The following C1GALT1 variants were observed in gnomAD, a reference collection of about 807,000 sequenced individuals.
C1GALT1 encodes glycoprotein-N-acetylgalactosamine 3-beta-galactosyltransferase 1.
A neutral mutation model predicts 31.0 loss-of-function variants in C1GALT1; 11 were observed. The observed-to-expected ratio is 0.36, with a 90% CI of 0.22 to 0.59. The LOEUF (loss-of-function observed/expected upper bound fraction) is 0.59, where lower values mean the gene tolerates loss of function less well. Among genes scored for constraint, C1GALT1 ranks in the 20% least tolerant of loss-of-function variants. The pLI is 0.79. For synonymous variants in C1GALT1, 175 were observed against 143.6 expected (o/e 1.22, Z -1.56); for missense variants, 424 against 425.2 (o/e 1.00, Z 0.03).
chr7:7,166,433 A>G (rs1440301465), intron 2 of C1GALT1, among the ~76,000 whole-genome samples: 4 of 152,194 alleles, frequency 2.6e-5, no homozygotes, highest in Non-Finnish European at 5.9e-5. Flanking sequence ...TATCATTTTT[A>G]TAACTCTAGA....
intron 1 of C1GALT1, among the ~76,000 whole-genome samples, chr7:7,214,771 G>A (rs34386799): frequency 0.14 from 20,824 of 152,160 alleles, 1,783 homozygotes; most frequent in Middle Eastern, 0.27. Flanking sequence ...CGGAGAAGCC[G>A]GGTTTACATT....
intron 1 of C1GALT1, among the ~76,000 whole-genome samples, chr7:7,219,508 A>T (rs536807445): frequency 7.2e-5 from 11 of 152,314 alleles, no homozygotes; most frequent in African/African-American, 2.6e-4. Flanking sequence ...AACTACTCTG[A>T]AAAAAATAAA....
chr7:7,234,200 T>A (rs973369774), intron 1 of C1GALT1, 103 bp from the exon 2 acceptor site: 1 of 809,454 alleles, frequency 1.2e-6, no homozygotes, highest in East Asian at 2.6e-5. Flanking sequence ...TAAATACTGT[T>A]AGAAATTAAC....
chr7:7,187,266 T>C (rs890224372), intron 1 of C1GALT1, among the ~76,000 whole-genome samples: 1 of 152,046 alleles, frequency 6.6e-6, no homozygotes, highest in Non-Finnish European at 1.5e-5. Flanking sequence ...TTTTTTTTTT[T>C]TGAGACGGAG....
intron 1 of C1GALT1, among the ~76,000 whole-genome samples, chr7:7,218,695 T>C (rs1016448045): frequency 1.4e-4 from 22 of 152,184 alleles, no homozygotes; most frequent in African/African-American, 5.1e-4. Context: ...CAGTAGAAGA[T>C]GTGCTAGTGA....
intron 1 of C1GALT1, among the ~76,000 whole-genome samples, chr7:7,187,257 T>G (rs1437048112): frequency 6.6e-6 from 1 of 151,904 alleles, no homozygotes; most frequent in Non-Finnish European, 1.5e-5. Context: ...TCCTGAGATT[T>G]TTTTTTTTTT....
intron 1 of C1GALT1, among the ~76,000 whole-genome samples, chr7:7,230,424 A>G (rs1321036421): frequency 6.6e-6 from 1 of 152,052 alleles, no homozygotes; most frequent in South Asian, 2.1e-4. Flanking sequence ...TTTGCTTTCA[A>G]CTTTATAAAT....
At chr7:7,219,118 G>T (rs983378655) in intron 1 of C1GALT1, among the ~76,000 whole-genome samples, 3 of 152,148 alleles carry the variant, frequency 2.0e-5, no homozygotes, top group African/African-American at 7.2e-5. Context: ...GATTACAGGC[G>T]TGAGCCACTG....
chr7:7,220,990 C>CT (rs1353104816), intron 1 of C1GALT1, among the ~76,000 whole-genome samples: 1 of 122,274 alleles, frequency 8.2e-6, no homozygotes, highest in Non-Finnish European at 1.7e-5. Context: ...TTGTTCCTCT[C>CT]TCTGAAAGTT....
intron 1 of C1GALT1, among the ~76,000 whole-genome samples, chr7:7,197,541 A>G (rs1032823880): frequency 4.6e-5 from 7 of 152,224 alleles, no homozygotes; most frequent in South Asian, 2.1e-4. Flanking sequence ...TTTTGGTTCC[A>G]TATGAACTTT....
rs1783245188 is a variant in C1GALT1 at position 7,234,508 on chromosome 7, G to C, written c.189G>C (p.Met63Ile). 6.2e-7 allele frequency: 1 copy of C among 1,612,790 alleles called. No homozygotes were observed. Among genetic ancestry groups the C allele is most frequent in the Non-Finnish European group, 8.5e-7 (1 of 1,178,964 alleles). Residue 63 changes from methionine (M) to isoleucine (I), a missense_variant, in exon 2 of 4, where the codon ATG becomes ATC. Physicochemically the swap from Met to Ile is conservative, Grantham distance 10 (BLOSUM62 1). This residue lies in a region of C1GALT1 where 189 missense variants were observed against 158.2 expected (regional missense o/e 1.19). Coordinates refer to ENST00000436587, the MANE Select transcript of C1GALT1 (RefSeq NM_020156.5). ...GACAGAATCATCTAGAAGGACAAAT[G>C]AACTTCAATGCAGATTCTAGCCAAC... ...DNGQNHLEGQ[M>I]NFNADSSQHK...
intron 1 of C1GALT1, among the ~76,000 whole-genome samples, chr7:7,233,284 G>GAGAT (rs796234383): frequency 4.0e-5 from 6 of 151,060 alleles, no homozygotes; most frequent in African/African-American, 1.5e-4. Flanking sequence ...TTTTTTTTCT[G>GAGAT]AGATAGTTTC....
Position 7,238,770 on chromosome 7 carries a change from T to G in C1GALT1, c.736T>G (p.Cys246Gly). 1 of 1,613,726 alleles carries G rather than the reference T, an allele frequency of 6.2e-7. No homozygotes were observed. The highest frequency in any genetic ancestry group is 2.2e-5 in the East Asian group (1 of 44,866). ...SSIEDLALGR[C>G]MEIMNVEAGD... The stretch of plus-strand genomic sequence containing the variant: ...CATTGAAGACTTAGCACTGGGGAGA[T>G]GCATGGAAATTATGAATGTAGAAGC... Residue 246 changes from cysteine to glycine, a missense_variant, in exon 3 of 4, where the codon TGC becomes GGC. Cys to Gly is a radical substitution (Grantham distance 159, BLOSUM62 -3). Around this residue, in one of 3 missense-constraint regions of C1GALT1, gnomAD observed 191 missense variants for 188.8 expected, o/e 1.01. Transcript: ENST00000436587. The surrounding 1 kb of genome is among the most constrained non-coding windows in gnomAD (Gnocchi z 5.2).
chr7:7,222,205 A>G (rs1239478927), intron 1 of C1GALT1, among the ~76,000 whole-genome samples: 5 of 152,234 alleles, frequency 3.3e-5, no homozygotes, highest in African/African-American at 1.2e-4. Flanking sequence ...TTGGAGTGAA[A>G]TCAGACTGAA....
At chr7:7,227,071 T>C (rs902556817) in intron 1 of C1GALT1, among the ~76,000 whole-genome samples, 1 of 152,226 alleles carries the variant, frequency 6.6e-6, no homozygotes, top group South Asian at 2.1e-4. Flanking sequence ...AAACTTTTCT[T>C]AATTTTTAGA....
intron 1 of C1GALT1, among the ~76,000 whole-genome samples, chr7:7,184,685 A>G (rs1583740384): frequency 1.3e-5 from 2 of 152,358 alleles, no homozygotes; most frequent in South Asian, 4.1e-4. Flanking sequence ...AATTTTTGTG[A>G]CAGTGCAGCT....
intron 1 of C1GALT1, among the ~76,000 whole-genome samples, chr7:7,220,612 C>T (rs766449298): frequency 2.0e-5 from 3 of 152,114 alleles, no homozygotes; most frequent in Non-Finnish European, 4.4e-5. Context: ...AGCTCCACCT[C>T]CTGGGTTCAA....
intron 1 of C1GALT1, among the ~76,000 whole-genome samples, chr7:7,202,602 A>G (rs184322257): frequency 1.4e-4 from 22 of 152,246 alleles, no homozygotes; most frequent in African/African-American, 4.8e-4. Flanking sequence ...TCATGCCAGT[A>G]CTGCACTATT....
At chr7:7,217,729 A>G (rs190423123) in intron 1 of C1GALT1, among the ~76,000 whole-genome samples, 4 of 152,274 alleles carry the variant, frequency 2.6e-5, no homozygotes, top group Admixed American at 2.6e-4. Context: ...GCTGGAGTAC[A>G]GTGGTACAAT....
Sources: allele counts gnomAD v4.1 joint callset (sites outside exome capture counted in the v4.1 genomes callset), GRCh38; gene constraint gnomAD v4.1.1; regional missense constraint gnomAD v4.1.1; non-coding constraint Gnocchi (gnomAD v3.1); transcripts MANE v1.5; gene names NCBI Gene and HGNC (gene_info 2026-07-23, HGNC 2026-07-21).